GRB10: variants seen among roughly 807,000 people sequenced by gnomAD.
The protein encoded by GRB10 is growth factor receptor bound protein 10.
Under a neutral mutation model 80.9 loss-of-function variants are expected in GRB10, and 20 were observed. The ratio of observed to expected loss-of-function variants is 0.25; its 90% CI spans 0.17 to 0.36. The LOEUF (loss-of-function observed/expected upper bound fraction) is 0.36. Ranked by LOEUF, GRB10 falls within the 10% of genes least tolerant of loss-of-function variation. GRB10 has a pLI of 1.00. For missense variants in GRB10, 548 were observed against 747.7 expected, an observed-to-expected ratio of 0.73 and a Z score of 3.12; for synonymous variants, 291 against 291.5, an observed-to-expected ratio of 1.00 and a Z score of 0.02.
At chr7:50,614,742 G>C (rs567433158) in intron 12 of GRB10, 28 bp downstream of exon 12, 2 of 1,427,180 alleles carry the variant, frequency 1.4e-6, no homozygotes, top group Non-Finnish European at 2.0e-6. Flanking sequence ...CTGAGCATGC[G>C]CGCCGTCTGT....
rs2045720245 is a variant in GRB10, at chr7:50,590,427, T to C, written c.*2525A>G. On this transcript the variant is annotated 3_prime_UTR_variant, in exon 19 of 19. Transcript: ENST00000401949. The stretch of plus-strand genomic sequence containing the variant: ...GCTGAGGCACATGTTTCTTCAAGGT[T>C]TAGCAAACAAAAGAACATTCTGGAA... The C allele has an allele frequency of 6.6e-6, 1 of 152,270 alleles. No individual in the cohort carries two copies. The highest frequency in any genetic ancestry group is 2.4e-5 in the African/African-American group (1 of 41,448). 9.4% of individuals were successfully genotyped at this position (152,270 alleles called of 1,614,324 possible).
At chr7:50,672,822 A>T (rs982987101) in intron 6 of GRB10, among the ~76,000 whole-genome samples, 1 of 152,192 alleles carries the variant, frequency 6.6e-6, no homozygotes, top group African/African-American at 2.4e-5. Context: ...AGATGCTCCC[A>T]AGAGAAAAAC....
chr7:50,692,312 A>C (rs2062918034), intron 5 of GRB10, among the ~76,000 whole-genome samples: 1 of 152,312 alleles, frequency 6.6e-6, no homozygotes, highest in Middle Eastern at 3.4e-3. Flanking sequence ...ACACACGCAC[A>C]CATATATATA....
chr7:50,716,397 T>C (rs184122096), intron 4 of GRB10, among the ~76,000 whole-genome samples: 1 of 152,022 alleles, frequency 6.6e-6, no homozygotes, highest in East Asian at 1.9e-4. Context: ...TCCCAAGAAG[T>C]AGCCAACACC....
At chr7:50,621,610 A>T (rs563702259) in intron 8 of GRB10, among the ~76,000 whole-genome samples, 1 of 152,248 alleles carries the variant, frequency 6.6e-6, no homozygotes, top group East Asian at 1.9e-4. Flanking sequence ...CTGTTCAAAG[A>T]TCTTCCCTCC....
At chr7:50,622,222 G>C (rs1384481749) in intron 8 of GRB10, among the ~76,000 whole-genome samples, 1 of 152,236 alleles carries the variant, frequency 6.6e-6, no homozygotes, top group Non-Finnish European at 1.5e-5. Context: ...ATAAATTTTA[G>C]TGGGGGAAAG....
intron 17 of GRB10, among the ~76,000 whole-genome samples, chr7:50,600,690 G>A (rs899354902): frequency 1.3e-5 from 2 of 152,166 alleles, no homozygotes; most frequent in African/African-American, 4.8e-5. Context: ...CAACTTAACT[G>A]ATTAGAAAAA....
intron 1 of GRB10, chr7:50,792,378 C>A: frequency 2.5e-6 from 1 of 397,898 alleles, no homozygotes; most frequent in South Asian, 1.3e-4. Flanking sequence ...GAAAGCAAAC[C>A]ATAAAAAGTT....
At chr7:50,644,390 G>A (rs2056817836) in intron 7 of GRB10, among the ~76,000 whole-genome samples, 4 of 152,114 alleles carry the variant, frequency 2.6e-5, no homozygotes, top group Admixed American at 1.3e-4. Context: ...ACACAGATAG[G>A]GAAGGGACGT....
At chr7:50,746,026 G>A (rs1467535549) in intron 3 of GRB10, among the ~76,000 whole-genome samples, 2 of 152,190 alleles carry the variant, frequency 1.3e-5, no homozygotes, top group Admixed American at 1.3e-4. Context: ...TATCTGAGCT[G>A]TAAGGACGCT....
At chr7:50,753,807 C>CAG (rs760619363) in intron 3 of GRB10, among the ~76,000 whole-genome samples, 1 of 152,232 alleles carries the variant, frequency 6.6e-6, no homozygotes, top group African/African-American at 2.4e-5. Flanking sequence ...AATTGGAATG[C>CAG]AGAGGCTGGG....
At chr7:50,669,574 C>G in intron 7 of GRB10, 148 bp downstream of exon 7, 1 of 786,988 alleles carries the variant, frequency 1.3e-6, no homozygotes, top group Non-Finnish European at 2.1e-6. Flanking sequence ...CATAGGACAA[C>G]AAGTACTGTG....
At chr7:50,633,239 C>T (rs3901371) in intron 7 of GRB10, among the ~76,000 whole-genome samples, 40,682 of 152,130 alleles carry the variant, frequency 0.27, 6,639 homozygotes, top group East Asian at 0.49. Flanking sequence ...TGGTCCAGCA[C>T]ACTGTTACTA....
intron 5 of GRB10, among the ~76,000 whole-genome samples, chr7:50,689,735 T>C (rs2062566151): frequency 6.6e-6 from 1 of 152,050 alleles, no homozygotes; most frequent in South Asian, 2.1e-4. Flanking sequence ...ATATTAGCCA[T>C]GTTAACAAAA....
intron 13 of GRB10, among the ~76,000 whole-genome samples, chr7:50,607,468 T>G: frequency 6.6e-6 from 1 of 152,162 alleles, no homozygotes; most frequent in East Asian, 1.9e-4. Flanking sequence ...AGCTGACTGG[T>G]TTTGGAATAA....
At chr7:50,745,388 T>C (rs1266987167) in intron 3 of GRB10, among the ~76,000 whole-genome samples, 1 of 152,236 alleles carries the variant, frequency 6.6e-6, no homozygotes, top group African/African-American at 2.4e-5. Flanking sequence ...CCGAATGCCT[T>C]TGGGTGTCTT....
intron 5 of GRB10, among the ~76,000 whole-genome samples, chr7:50,680,423 T>C (rs2061411503): frequency 1.3e-5 from 2 of 152,198 alleles, no homozygotes; most frequent in South Asian, 2.1e-4. Context: ...AAAACACATA[T>C]CAACAAACTG....
chr7:50,603,982 A>C lies in GRB10; in HGVS notation c.1544+16T>G. On this transcript the variant is annotated intron_variant, in intron 17 of 18. Coordinates refer to ENST00000401949, the MANE Select transcript of GRB10 (RefSeq NM_001350814.2). Reference sequence around the variant, plus strand: ...ACCTTAGCAGATGACAGCTCTTATCAGTGGTGGTTCCTTACCCATCCACGA... The same window carrying C: ...ACCTTAGCAGATGACAGCTCTTATCCGTGGTGGTTCCTTACCCATCCACGA... 6.4e-7 allele frequency: 1 copy of C among 1,569,862 alleles called. No homozygotes were observed. The highest frequency in any genetic ancestry group is 8.8e-7 in the Non-Finnish European group (1 of 1,139,528).
intron 10 of GRB10, among the ~76,000 whole-genome samples, chr7:50,617,714 T>A (rs1457361917): frequency 6.6e-6 from 1 of 152,130 alleles, no homozygotes; most frequent in Non-Finnish European, 1.5e-5. Flanking sequence ...TGGCCTGACC[T>A]GGGACCCCTG....
Sources: allele counts gnomAD v4.1 joint callset (sites outside exome capture counted in the v4.1 genomes callset), GRCh38; gene constraint gnomAD v4.1.1; transcripts MANE v1.5; gene names NCBI Gene and HGNC (gene_info 2026-07-23, HGNC 2026-07-21).